PDE10A: variants seen among roughly 807,000 people sequenced by gnomAD.
PDE10A encodes cAMP and cAMP-inhibited cGMP 3',5'-cyclic phosphodiesterase 10A.
PDE10A carries 39 observed loss-of-function variants against 97.7 expected under a neutral mutation model. That is an observed-to-expected ratio of 0.40 (90% confidence interval 0.31 to 0.52). PDE10A has a LOEUF of 0.52. PDE10A is among the 20% of genes least tolerant of loss of function. The pLI, the probability that PDE10A is intolerant of heterozygous loss-of-function variation, is 0.56. For missense variants in PDE10A, 731 were observed against 1,047.8 expected (o/e 0.70, Z 4.17); for synonymous variants, 371 against 376.8 (o/e 0.98, Z 0.18).
At chr6:165,509,247 T>G (rs1251081602) in intron 2 of PDE10A, among the ~76,000 whole-genome samples, 1 of 151,994 alleles carries the variant, frequency 6.6e-6, no homozygotes, top group Non-Finnish European at 1.5e-5. Context: ...CATTTCTATG[T>G]GTTTGTAATA....
chr6:165,915,514 G>A (rs1782582242), intron 1 of PDE10A, among the ~76,000 whole-genome samples: 1 of 152,160 alleles, frequency 6.6e-6, no homozygotes, highest in African/African-American at 2.4e-5. Flanking sequence ...CACCAGAGAG[G>A]CAGTAACACA....
intron 1 of PDE10A, among the ~76,000 whole-genome samples, chr6:165,905,881 A>G (rs1330578202): frequency 1.3e-5 from 2 of 152,126 alleles, no homozygotes; most frequent in African/African-American, 4.8e-5. Context: ...AAATCTAGTC[A>G]TAAAAGTAAT....
chr6:165,342,313 G>C (rs1050586878), intron 19 of PDE10A, among the ~76,000 whole-genome samples: 1 of 152,058 alleles, frequency 6.6e-6, no homozygotes, highest in Admixed American at 6.6e-5. Context: ...GTTGTTCAAG[G>C]GTCAACTGTG....
intron 1 of PDE10A, among the ~76,000 whole-genome samples, chr6:165,959,198 G>A (rs1327369048): frequency 6.6e-6 from 1 of 152,168 alleles, no homozygotes; most frequent in African/African-American, 2.4e-5. Flanking sequence ...GGATGTGGAA[G>A]CCAAGGTGAG....
chr6:165,944,209 C>A (rs770437708), intron 1 of PDE10A, among the ~76,000 whole-genome samples: 1 of 152,200 alleles, frequency 6.6e-6, no homozygotes, highest in Non-Finnish European at 1.5e-5. Flanking sequence ...AGGTAACCAC[C>A]CCCATAATTC....
intron 18 of PDE10A, among the ~76,000 whole-genome samples, chr6:165,366,526 T>G (rs574507760): frequency 6.6e-6 from 1 of 152,246 alleles, no homozygotes; most frequent in South Asian, 2.1e-4. Context: ...ACCTAAAAAC[T>G]GGCGTAAGTG....
chr6:165,686,786 G>A (rs1047880837), intron 1 of PDE10A, among the ~76,000 whole-genome samples: 1 of 152,178 alleles, frequency 6.6e-6, no homozygotes, highest in Non-Finnish European at 1.5e-5. Flanking sequence ...TTAGCCGGTC[G>A]GTCCTTACGG....
chr6:165,695,887 T>C (rs771488930), intron 1 of PDE10A, among the ~76,000 whole-genome samples: 2 of 152,116 alleles, frequency 1.3e-5, no homozygotes, highest in Non-Finnish European at 2.9e-5. Context: ...AGCCAGAATT[T>C]GATGTTTGTA....
chr6:165,504,540 T>G lies in PDE10A; in HGVS notation c.995-22197A>C, dbSNP rs1425924909. Among the ~76,000 whole-genome samples the G allele has an allele frequency of 2.6e-5, 4 of 152,266 alleles. No individual in the cohort carries two copies. The East Asian group carries it at 7.7e-4, about 29-fold the overall frequency. Reference sequence around the variant, plus strand: ...TCTTGGGGCTTCAAGTCAATGTGCTTAGAGACAGTCATTCATTTATTATCA... The same window carrying G: ...TCTTGGGGCTTCAAGTCAATGTGCTGAGAGACAGTCATTCATTTATTATCA... On this transcript the variant is annotated intron_variant, in intron 2 of 21. Transcript: ENST00000539869.
At chr6:165,571,828 T>A (rs184798024) in intron 1 of PDE10A, among the ~76,000 whole-genome samples, 1 of 152,332 alleles carries the variant, frequency 6.6e-6, no homozygotes, top group East Asian at 1.9e-4. Flanking sequence ...CCACTTCAGA[T>A]CATTCATTAC....
At chr6:165,420,297 G>C (rs1267683076) in intron 10 of PDE10A, among the ~76,000 whole-genome samples, 2 of 152,118 alleles carry the variant, frequency 1.3e-5, no homozygotes, top group Non-Finnish European at 2.9e-5. Context: ...AGCTGCAAGA[G>C]AGTATGGCCC....
At chr6:165,729,980 CAAGAAATACGTCACCTGTAT>C (rs1792389422) in intron 1 of PDE10A, among the ~76,000 whole-genome samples, 1 of 151,930 alleles carries the variant, frequency 6.6e-6, no homozygotes, top group Non-Finnish European at 1.5e-5. Flanking sequence ...TATATATCAC[CAAGAAATACGTCACCTGTAT>C]ATCAATCTTG....
At chr6:165,883,525 T>C (rs76116446) in intron 1 of PDE10A, among the ~76,000 whole-genome samples, 1 of 148,016 alleles carries the variant, frequency 6.8e-6, no homozygotes, top group Non-Finnish European at 1.5e-5. Flanking sequence ...TGACGACAAA[T>C]TGAGACTCCG....
intron 1 of PDE10A, among the ~76,000 whole-genome samples, chr6:165,676,667 C>T (rs536274438): frequency 2.7e-4 from 41 of 152,234 alleles, no homozygotes; most frequent in African/African-American, 9.9e-4. Flanking sequence ...GGCCAGCTCA[C>T]GGGCTGTTTA....
chr6:165,604,528 A>T (rs1465255391), intron 1 of PDE10A, among the ~76,000 whole-genome samples: 2 of 152,136 alleles, frequency 1.3e-5, no homozygotes, highest in African/African-American at 4.8e-5. Context: ...TAAAAAAAAA[A>T]AAAAAAAGTG....
chr6:165,498,971 T>A (rs140583221), intron 2 of PDE10A, among the ~76,000 whole-genome samples: 3 of 152,200 alleles, frequency 2.0e-5, no homozygotes, highest in African/African-American at 7.2e-5. Context: ...TGACATTAGA[T>A]CAAATGTGCA....
chr6:165,631,005 A>G (rs575726380), intron 1 of PDE10A, among the ~76,000 whole-genome samples: 85 of 152,332 alleles, frequency 5.6e-4, no homozygotes, highest in African/African-American at 2.0e-3. Context: ...CAATAAACTA[A>G]ATGTCAGGTG....
chr6:165,929,746 C>T (rs1371007935), intron 1 of PDE10A, among the ~76,000 whole-genome samples: 1 of 152,260 alleles, frequency 6.6e-6, no homozygotes, highest in Non-Finnish European at 1.5e-5. Context: ...CTGACCCAGC[C>T]TGTGGCATGG....
At chr6:165,810,351 CCT>C (rs961866362) in intron 1 of PDE10A, among the ~76,000 whole-genome samples, 136 of 152,222 alleles carry the variant, frequency 8.9e-4, no homozygotes, top group African/African-American at 3.1e-3. Flanking sequence ...GCAAATGTGG[CCT>C]CTCTTCTGCA....
Sources: gnomAD v4.1 joint callset for allele counts (sites outside exome capture counted in the v4.1 genomes callset) on GRCh38, gnomAD v4.1.1 for gene constraint, MANE v1.5 for transcripts, NCBI Gene and HGNC (gene_info 2026-07-23, HGNC 2026-07-21) for gene names.